CEMIP: variants seen among roughly 807,000 people sequenced by gnomAD.
CEMIP encodes the protein cell migration-inducing and hyaluronan-binding protein.
Under a neutral mutation model 156.9 loss-of-function variants are expected in CEMIP, and 105 were observed. That is an observed-to-expected ratio of 0.67 (90% CI 0.57 to 0.79). CEMIP has a LOEUF of 0.79. Ranked by LOEUF, CEMIP falls within the 30% of genes least tolerant of loss-of-function variation. The probability of loss-of-function intolerance (pLI) is 0.00; values close to 1 mark genes in which losing one functional copy is unlikely to be tolerated. For synonymous variants in CEMIP, 676 were observed against 668.4 expected (o/e 1.01, Z -0.17); for missense variants, 1,457 against 1,769.4 (o/e 0.82, Z 3.17).
chr15:80,798,802 T>C lies in CEMIP; in HGVS notation c.-176+19188T>C, dbSNP rs146535030. Among the ~76,000 whole-genome samples the C allele has an allele frequency of 6.9e-3, 1,045 of 152,348 alleles. 17 individuals carry two copies. Among genetic ancestry groups the C allele is most frequent in the African/African-American group, 0.021 (863 of 41,576 alleles). ...TTGAAAAATATGTAAAATATTTTCA[T>C]GCAGTTCAATGTGTTGATCATTTAC... On this transcript the variant is annotated intron_variant, in intron 1 of 29. Transcript: ENST00000394685.
At chr15:80,856,937 A>G (rs1160639443) in intron 1 of CEMIP, among the ~76,000 whole-genome samples, 1 of 152,232 alleles carries the variant, frequency 6.6e-6, no homozygotes, top group Non-Finnish European at 1.5e-5. Context: ...CACCCAGGGC[A>G]GTAAAACAGG....
intron 29 of CEMIP, chr15:80,948,229 A>C: frequency 5.6e-6 from 1 of 177,046 alleles, no homozygotes; most frequent in East Asian, 1.4e-4. Flanking sequence ...TGCCCCTCGG[A>C]TGCTCAAGCT....
chr15:80,845,479 T>C (rs995863487), intron 1 of CEMIP, among the ~76,000 whole-genome samples: 1 of 152,162 alleles, frequency 6.6e-6, no homozygotes, highest in Non-Finnish European at 1.5e-5. Context: ...CTACATACAG[T>C]GTGGATGATA....
chr15:80,799,778 G>A (rs1896329324), intron 1 of CEMIP, among the ~76,000 whole-genome samples: 1 of 152,166 alleles, frequency 6.6e-6, no homozygotes, highest in African/African-American at 2.4e-5. Context: ...CAACATGGTA[G>A]TATAACCAGA....
chr15:80,861,026 A>G (rs1182806005), intron 1 of CEMIP, among the ~76,000 whole-genome samples: 1 of 151,904 alleles, frequency 6.6e-6, no homozygotes, highest in African/African-American at 2.4e-5. Flanking sequence ...CATATATGGG[A>G]TGCCTTTCCT....
intron 24 of CEMIP, among the ~76,000 whole-genome samples, chr15:80,937,170 A>G (rs1901160489): frequency 6.6e-6 from 1 of 152,228 alleles, no homozygotes; most frequent in East Asian, 1.9e-4. Context: ...TGAGGACCCA[A>G]GGAGATAAGG....
At chr15:80,885,272 T>C (rs951880520) in intron 7 of CEMIP, among the ~76,000 whole-genome samples, 2 of 152,202 alleles carry the variant, frequency 1.3e-5, no homozygotes, top group Non-Finnish European at 2.9e-5. Context: ...GCCAGAGACT[T>C]TTCTGGGCTT....
Position 80,819,048 on chromosome 15 carries a change from T to A in CEMIP, c.-176+39434T>A, listed in dbSNP as rs141357905. ...AGCCCAGCCTGGGCATCTTCAGTCT[T>A]CTTTGGCTGTACCAGGTAACACATC... is the stretch of plus-strand genomic sequence containing the variant. On this transcript the variant is annotated intron_variant, in intron 1 of 29. Coordinates refer to ENST00000394685, the MANE Select transcript of CEMIP (RefSeq NM_001293298.2). 2.4e-3 allele frequency among the ~76,000 whole-genome samples: 369 copies of A among 152,312 alleles called. 2 individuals carry two copies. The highest frequency in any genetic ancestry group is 7.9e-3 in the African/African-American group (328 of 41,564).
chr15:80,834,433 A>C (rs1423747981), intron 1 of CEMIP, among the ~76,000 whole-genome samples: 2 of 152,200 alleles, frequency 1.3e-5, no homozygotes, highest in East Asian at 3.8e-4. Context: ...CAGAGCTACC[A>C]TCTACATTGG....
intron 17 of CEMIP, 110 bp from the exon 18 acceptor site, chr15:80,924,511 A>C: frequency 3.3e-6 from 3 of 898,886 alleles, no homozygotes; most frequent in Non-Finnish European, 5.5e-6. Context: ...GCCTGAGAAC[A>C]GAGCTGGTTT....
intron 1 of CEMIP, among the ~76,000 whole-genome samples, chr15:80,837,437 C>A (rs1316634470): frequency 6.6e-6 from 1 of 152,146 alleles, no homozygotes. Context: ...TTATGGCAAC[C>A]TGGTACAGAA....
intron 12 of CEMIP, chr15:80,900,829 C>T (rs1899498875): frequency 2.4e-6 from 1 of 408,460 alleles, no homozygotes; most frequent in Non-Finnish European, 4.9e-6. Context: ...CACCCACCCA[C>T]CTAGGGACAC....
Position 80,906,145 on chromosome 15 carries a change from G to C in CEMIP, c.1412-518G>C, listed in dbSNP as rs150500149. On this transcript the variant is annotated intron_variant, in intron 12 of 29. Transcript: ENST00000394685. The surrounding 1 kb of genome is among the most constrained non-coding windows in gnomAD (Gnocchi z 4.3). Reference sequence around the variant, plus strand: ...GTTCTGTTTTATCTTCCTAAGATCGGCAATCTACGGTATCATCCAGAGACC... The same window carrying C: ...GTTCTGTTTTATCTTCCTAAGATCGCCAATCTACGGTATCATCCAGAGACC... Among the ~76,000 whole-genome samples, 12 of 152,344 alleles carry C rather than the reference G, an allele frequency of 7.9e-5. No homozygotes were observed. Among genetic ancestry groups the C allele is most frequent in the African/African-American group, 2.4e-4 (10 of 41,588 alleles).
At chr15:80,800,326 C>T (rs1311578620) in intron 1 of CEMIP, among the ~76,000 whole-genome samples, 1 of 151,972 alleles carries the variant, frequency 6.6e-6, no homozygotes, top group Admixed American at 6.6e-5. Flanking sequence ...CTGGGACTGC[C>T]GAGAGAGCAG....
At chr15:80,848,069 T>G (rs1221009604) in intron 1 of CEMIP, among the ~76,000 whole-genome samples, 3 of 152,184 alleles carry the variant, frequency 2.0e-5, no homozygotes, top group Non-Finnish European at 2.9e-5. Flanking sequence ...TGAATGGAAA[T>G]AATGATCTTC....
chr15:80,797,151 T>C (rs1365364129), intron 1 of CEMIP, among the ~76,000 whole-genome samples: 1 of 152,190 alleles, frequency 6.6e-6, no homozygotes, highest in Non-Finnish European at 1.5e-5. Context: ...TGGCCAGAAC[T>C]GCCTACGGGA....
At chr15:80,905,659 A>G (rs1899770106) in intron 12 of CEMIP, among the ~76,000 whole-genome samples, 1 of 152,196 alleles carries the variant, frequency 6.6e-6, no homozygotes, top group Admixed American at 6.5e-5. Context: ...TAGGAGGGGT[A>G]GCAGAACTGG....
chr15:80,903,857 T>C (rs745682410), intron 12 of CEMIP, among the ~76,000 whole-genome samples: 6 of 152,196 alleles, frequency 3.9e-5, no homozygotes, highest in Admixed American at 6.5e-5. Context: ...ACAGAGCTGA[T>C]GGATGGGAGA....
At chr15:80,795,060 C>T (rs1896182536) in intron 1 of CEMIP, among the ~76,000 whole-genome samples, 1 of 151,604 alleles carries the variant, frequency 6.6e-6, no homozygotes, top group African/African-American at 2.4e-5. Context: ...TGAGAGAAGC[C>T]CAGATTGGCT....
Sources: allele counts gnomAD v4.1 joint callset (sites outside exome capture counted in the v4.1 genomes callset), GRCh38; gene constraint gnomAD v4.1.1; non-coding constraint Gnocchi (gnomAD v3.1); transcripts MANE v1.5; gene names NCBI Gene and HGNC (gene_info 2026-07-23, HGNC 2026-07-21).